The following ASTN1 variants were observed in gnomAD, a reference collection of about 807,000 sequenced individuals.
ASTN1 encodes the protein astrotactin-1.
Under a neutral mutation model 140.7 loss-of-function variants are expected in ASTN1, and 41 were observed. That is an observed-to-expected ratio of 0.29 (90% CI 0.23 to 0.38). The LOEUF is 0.38. Ranked by LOEUF, ASTN1 falls within the 10% of genes least tolerant of loss-of-function variation. The pLI is 1.00. For missense variants in ASTN1, 1,479 were observed against 1,678.8 expected, an observed-to-expected ratio of 0.88 and a Z score of 2.08; for synonymous variants, 640 against 652.2, an observed-to-expected ratio of 0.98 and a Z score of 0.29.
chr1:176,939,408 C>T (rs958337909), intron 14 of ASTN1, among the ~76,000 whole-genome samples: 4 of 152,186 alleles, frequency 2.6e-5, no homozygotes, highest in Non-Finnish European at 5.9e-5. Flanking sequence ...AACTCCATTA[C>T]TTAGCTGATC....
At chr1:177,006,820 C>G (rs1206395526) in intron 8 of ASTN1, among the ~76,000 whole-genome samples, 1 of 152,120 alleles carries the variant, frequency 6.6e-6, no homozygotes, top group Admixed American at 6.6e-5. Flanking sequence ...TGTAGGTGGA[C>G]TCTCATCACC....
At chr1:176,893,578 C>T (rs144713559) in intron 17 of ASTN1, among the ~76,000 whole-genome samples, 2 of 152,304 alleles carry the variant, frequency 1.3e-5, no homozygotes, top group East Asian at 3.9e-4. Context: ...AAAATCCCTC[C>T]TGTTGGTCTG....
intron 1 of ASTN1, among the ~76,000 whole-genome samples, chr1:177,111,724 C>T (rs1680830103): frequency 6.6e-6 from 1 of 152,162 alleles, no homozygotes. Context: ...TGTATCACCT[C>T]AATCTCTCAC....
chr1:177,060,949 T>G, intron 2 of ASTN1, 129 bp downstream of exon 2: 1 of 1,009,924 alleles, frequency 9.9e-7, no homozygotes, highest in Non-Finnish European at 1.3e-6. Context: ...AATGGGAAAT[T>G]TACTTATTAA....
At chr1:176,964,080 G>A (rs1672772990) in intron 9 of ASTN1, among the ~76,000 whole-genome samples, 1 of 152,206 alleles carries the variant, frequency 6.6e-6, no homozygotes, top group Admixed American at 6.5e-5. Context: ...GCTACAGGAG[G>A]AGCAGTAGAA....
Position 176,894,365 on chromosome 1 carries a change from TG to T in ASTN1, c.2940+196del, listed in dbSNP as rs1194365849. 5.3e-5 allele frequency among the ~76,000 whole-genome samples: 8 copies of T among 152,324 alleles called. No homozygotes were observed. In the East Asian group the frequency reaches 1.5e-3, roughly 29 times the overall value. The stretch of plus-strand genomic sequence containing the variant: ...TCCTGAATCATATTATCGTGGGTGT[TG>T]TAGATGCAATGATTTGAATTAATAT... On this transcript the variant is annotated intron_variant, in intron 17 of 22. Coordinates refer to ENST00000361833, the MANE Select transcript of ASTN1 (RefSeq NM_004319.3).
At chr1:177,090,653 C>T (rs1307166322) in intron 1 of ASTN1, among the ~76,000 whole-genome samples, 1 of 152,188 alleles carries the variant, frequency 6.6e-6, no homozygotes, top group Non-Finnish European at 1.5e-5. Flanking sequence ...TGACTCTCCA[C>T]ATTTGGATGA....
chr1:177,009,927 A>T (rs1675205841), intron 8 of ASTN1, among the ~76,000 whole-genome samples: 1 of 152,170 alleles, frequency 6.6e-6, no homozygotes, highest in South Asian at 2.1e-4. Flanking sequence ...TGTATCTGAG[A>T]TGCCAGAATA....
In ASTN1 at chr1:176,957,761, G is replaced by A. The variant is rs1672474211; in HGVS notation, c.1804C>T (p.Arg602Cys). 5 of 1,613,894 alleles carry A rather than the reference G, an allele frequency of 3.1e-6. No individual in the cohort carries two copies. The African/African-American group carries it at 5.3e-5, about 17-fold the overall frequency. Residue 602 changes from arginine (R) to cysteine (C), a missense_variant, in exon 11 of 23, where the codon CGC (arginine) becomes TGC (cysteine). By Grantham distance (180) the Arg-to-Cys change is radical. Coordinates refer to ENST00000361833, the MANE Select transcript of ASTN1 (RefSeq NM_004319.3). ...CCCCCGTTATCTTTGCTGCAGTCGC[G>A]CACCGGCCCAAAGGAATCTAAGAGA... ...EVLLDSFGPV[R>C]DCSKDNGGCS...
chr1:176,867,919 T>TTTCCTTCCTTCC (rs57237203), intron 22 of ASTN1, among the ~76,000 whole-genome samples: 25 of 150,850 alleles, frequency 1.7e-4, no homozygotes, highest in African/African-American at 6.1e-4. Flanking sequence ...ATTTTCTTCA[T>TTTCCTTCCTTCC]TTCCTTCCTT....
intron 8 of ASTN1, among the ~76,000 whole-genome samples, chr1:177,006,257 G>A (rs1206002227): frequency 6.6e-6 from 1 of 152,074 alleles, no homozygotes; most frequent in African/African-American, 2.4e-5. Flanking sequence ...TTATGAGAGA[G>A]AACAAAAATA....
At chr1:177,069,696 A>C (rs1241766467) in intron 1 of ASTN1, among the ~76,000 whole-genome samples, 1 of 152,168 alleles carries the variant, frequency 6.6e-6, no homozygotes, top group Non-Finnish European at 1.5e-5. Context: ...AAATGCAGCC[A>C]AAAGGTTCTG....
chr1:176,951,752 C>A (rs1469801462), intron 11 of ASTN1, among the ~76,000 whole-genome samples: 1 of 152,236 alleles, frequency 6.6e-6, no homozygotes, highest in African/African-American at 2.4e-5. Context: ...TTCATACTCT[C>A]TTAGGCAACT....
intron 1 of ASTN1, among the ~76,000 whole-genome samples, chr1:177,143,418 T>A (rs1186135370): frequency 6.6e-6 from 1 of 152,176 alleles, no homozygotes; most frequent in Non-Finnish European, 1.5e-5. Flanking sequence ...GGCTGAACCA[T>A]CGTGGATGGA....
rs568862147 is a variant in ASTN1, at chr1:176,868,697, T to G, written c.3647+147A>C. The G allele has an allele frequency of 2.2e-5, 17 of 786,882 alleles. 1 individual carries two copies. Among genetic ancestry groups the G allele is most frequent in the Non-Finnish European group, 5.6e-6 (3 of 539,476 alleles). The allele number at this position is 786,882 out of a possible 1,614,324, so 48.7% of individuals were successfully genotyped here. On this transcript the variant is annotated intron_variant, in intron 22 of 22. Transcript: ENST00000361833. ...TTATCCAAAACTAATCTGCATGGACTGAACTGTCTTAAATCAGAGGACTGA... is the reference window on the plus strand; with the variant it reads ...TTATCCAAAACTAATCTGCATGGACGGAACTGTCTTAAATCAGAGGACTGA...
intron 7 of ASTN1, among the ~76,000 whole-genome samples, chr1:177,019,053 G>C (rs1315584064): frequency 6.6e-6 from 1 of 152,216 alleles, no homozygotes; most frequent in Non-Finnish European, 1.5e-5. Context: ...ACAATTCTAA[G>C]CCTTCTGTCT....
intron 1 of ASTN1, among the ~76,000 whole-genome samples, chr1:177,150,172 G>T (rs1682965276): frequency 6.6e-6 from 1 of 152,050 alleles, no homozygotes; most frequent in Admixed American, 6.6e-5. Flanking sequence ...GTAAAGACAG[G>T]AAATTCAGTT....
At chr1:176,890,396 A>G (rs899968284) in intron 17 of ASTN1, among the ~76,000 whole-genome samples, 12 of 152,316 alleles carry the variant, frequency 7.9e-5, no homozygotes, top group African/African-American at 2.6e-4. Context: ...TTGAAAAAAC[A>G]ATGTCAACAA....
intron 8 of ASTN1, among the ~76,000 whole-genome samples, chr1:176,997,451 A>C (rs1571624670): frequency 6.6e-6 from 1 of 152,194 alleles, no homozygotes; most frequent in East Asian, 1.9e-4. Flanking sequence ...CTAGAGGACT[A>C]TTGTGAGGAT....
Sources: gnomAD v4.1 joint callset for allele counts (sites outside exome capture counted in the v4.1 genomes callset) on GRCh38, gnomAD v4.1.1 for gene constraint, MANE v1.5 for transcripts, NCBI Gene and HGNC (gene_info 2026-07-23, HGNC 2026-07-21) for gene names.